Variants in PLN observed in about 807,000 individuals in gnomAD.
PLN encodes cardiac phospholamban.
PLN carries 1 observed loss-of-function variant against 3.9 expected under a neutral mutation model. The observed-to-expected ratio is 0.26, with a 90% CI of 0.09 to 1.23. The LOEUF is 1.23. Ranked by LOEUF, PLN falls within the 50% of genes most tolerant of loss-of-function variation. The pLI, the probability that PLN is intolerant of heterozygous loss-of-function variation, is 0.48. For missense variants in PLN, 59 were observed against 62.7 expected (o/e 0.94, Z 0.20); for synonymous variants, 21 against 20.5 (o/e 1.02, Z -0.07).
At chr6:118,552,169 C>A (rs1778586201) in intron 1 of PLN, among the ~76,000 whole-genome samples, 1 of 151,880 alleles carries the variant, frequency 6.6e-6, no homozygotes, top group Admixed American at 6.6e-5. Flanking sequence ...TAAAGTATTT[C>A]TTCAGTACTC....
In PLN at chr6:118,559,204, A is replaced by G. The variant is rs1276648692; in HGVS notation, c.*124A>G. ...CTGAGTAGAAGAGTTTCTTTGTGAA[A>G]AGGTCAAGATTAAGACTAAAACTTA... On this transcript the variant is annotated 3_prime_UTR_variant, in exon 2 of 2. Coordinates refer to ENST00000357525, the MANE Select transcript of PLN (RefSeq NM_002667.5). 5 of 811,884 alleles carry G rather than the reference A, an allele frequency of 6.2e-6. No individual in the cohort carries two copies. Among genetic ancestry groups the G allele is most frequent in the Non-Finnish European group, 1.1e-5 (5 of 450,204 alleles). 50.3% of individuals were successfully genotyped at this position (811,884 alleles called of 1,614,324 possible).
chr6:118,559,650 T>G lies in PLN; in HGVS notation c.*570T>G, dbSNP rs1779109833. The G allele has an allele frequency of 5.9e-6, 1 of 169,128 alleles. No individual in the cohort carries two copies. The highest frequency in any genetic ancestry group is 1.4e-5 in the Non-Finnish European group (1 of 69,496). The allele number at this position is 169,128 out of a possible 1,614,324, so 10.5% of individuals were successfully genotyped here. On this transcript the variant is annotated 3_prime_UTR_variant, in exon 2 of 2. Transcript: ENST00000357525. ...TCTACATTCTAAAACAGAAATTGTA[T>G]TTTTTCTATGCCACATTAACATCTT...
rs555175842 is a variant in PLN, at chr6:118,555,151, G to A, written c.-97-3674G>A. Reference sequence around the variant, plus strand: ...CATCTTCATAAAAGGTGACTACTCGGCCAGGTGCAGTGGCTCACGCCTGCA... The same window carrying A: ...CATCTTCATAAAAGGTGACTACTCGACCAGGTGCAGTGGCTCACGCCTGCA... On this transcript the variant is annotated intron_variant, in intron 1 of 1. Transcript: ENST00000357525. Among the ~76,000 whole-genome samples, 26 of 152,200 alleles carry A rather than the reference G, an allele frequency of 1.7e-4. 1 individual carries two copies. The South Asian group carries it at 5.2e-3, about 30-fold the overall frequency.
Position 118,559,308 on chromosome 6 carries a change from G to A in PLN, c.*228G>A, listed in dbSNP as rs568262125. The A allele has an allele frequency of 2.1e-5, 11 of 528,108 alleles. No homozygotes were observed. Among genetic ancestry groups the A allele is most frequent in the African/African-American group, 1.7e-4 (9 of 52,134 alleles). The allele number at this position is 528,108 out of a possible 1,614,324, so 32.7% of individuals were successfully genotyped here. ...TTTTCAAAAATTAACTTCAAAATAA[G>A]TGTATAAAATGCAACTGTTGATTTC... On this transcript the variant is annotated 3_prime_UTR_variant, in exon 2 of 2. Transcript: ENST00000357525.
In PLN at chr6:118,560,260, A is replaced by G. The variant is rs540046916; in HGVS notation, c.*1180A>G. 9 of 167,188 alleles carry G rather than the reference A, an allele frequency of 5.4e-5. No individual in the cohort carries two copies. The highest frequency in any genetic ancestry group is 8.8e-5 in the Non-Finnish European group (6 of 68,102). The allele number at this position is 167,188 out of a possible 1,614,324, so 10.4% of individuals were successfully genotyped here. A position where few individuals can be genotyped will look rare whatever the true frequency, so the allele number is the denominator to read the frequency against. On this transcript the variant is annotated 3_prime_UTR_variant, in exon 2 of 2. Coordinates refer to ENST00000357525, the MANE Select transcript of PLN (RefSeq NM_002667.5). ...ACTACCTAATAGCCTACTATTGACC[A>G]TAAACCTTACTGATAACATAAACAG...
At position 118,560,446 on chromosome 6, in the gene PLN, T is replaced by C. The variant is rs1779158683; in HGVS notation, c.*1366T>C. 6.0e-6 allele frequency: 1 copy of C among 167,172 alleles called. No homozygotes were observed. The highest frequency in any genetic ancestry group is 2.1e-4 in the South Asian group (1 of 4,826). 10.4% of individuals were successfully genotyped at this position (167,172 alleles called of 1,614,324 possible). On this transcript the variant is annotated 3_prime_UTR_variant, in exon 2 of 2. Transcript: ENST00000357525. ...AACATAAAAGTCTTCATTCTCATTG[T>C]CTTCACATTGAGTAGGCAGAGGAGG...
rs1355961724 is a variant in PLN at position 118,559,218 on chromosome 6, G to A, written c.*138G>A. 5.2e-6 allele frequency: 4 copies of A among 771,416 alleles called. No homozygotes were observed. Among genetic ancestry groups the A allele is most frequent in the African/African-American group, 1.7e-5 (1 of 58,520 alleles). The allele number at this position is 771,416 out of a possible 1,614,324, so 47.8% of individuals were successfully genotyped here. ...TTCTTTGTGAAAAGGTCAAGATTAA[G>A]ACTAAAACTTATTGTTACCATATGT... is the stretch of plus-strand genomic sequence containing the variant. On this transcript the variant is annotated 3_prime_UTR_variant, in exon 2 of 2. Transcript: ENST00000357525.
At chr6:118,558,652 C>CAGAGAGAGAGAGAG (rs1482465423) in intron 1 of PLN, among the ~76,000 whole-genome samples, 173 bp from the exon 2 acceptor site, 34 of 132,976 alleles carry the variant, frequency 2.6e-4, no homozygotes, top group African/African-American at 1.1e-3. Context: ...CACACACACA[C>CAGAGAGAGAGAGAG]ACACACACAG....
intron 1 of PLN, among the ~76,000 whole-genome samples, chr6:118,557,759 G>A (rs1778962816): frequency 6.6e-6 from 1 of 152,148 alleles, no homozygotes; most frequent in Admixed American, 6.5e-5. Flanking sequence ...TAAAGTCTAC[G>A]GTGATCATAC....
At position 118,558,685 on chromosome 6, in the gene PLN, A is replaced by AGG. The variant is rs1779045243; in HGVS notation, c.-97-139_-97-138insGG. 3.5e-5 allele frequency: 18 copies of AGG among 520,200 alleles called. No homozygotes were observed. The East Asian group carries it at 4.8e-4, about 14-fold the overall frequency. 32.2% of individuals were successfully genotyped at this position (520,200 alleles called of 1,614,324 possible). On this transcript the variant is annotated intron_variant, in intron 1 of 1. Transcript: ENST00000357525. Reference sequence around the variant, plus strand: ...CAGAGAGAGAGAGAGAGAGAGAGAGAGAGGGAGAGAGACTATAGAAACATG... The same window carrying AGG: ...CAGAGAGAGAGAGAGAGAGAGAGAGAGGGAGGGAGAGAGACTATAGAAACATG...
intron 1 of PLN, among the ~76,000 whole-genome samples, chr6:118,557,906 AC>A (rs774144671): frequency 1.5e-4 from 23 of 151,366 alleles, no homozygotes; most frequent in Non-Finnish European, 2.9e-4. Context: ...TTTTTAATAG[AC>A]CACCACAACC....
Position 118,558,915 on chromosome 6 carries a change from T to C in PLN, c.-7T>C. 1 of 1,612,908 alleles carries C rather than the reference T, an allele frequency of 6.2e-7. No individual in the cohort carries two copies. Among genetic ancestry groups the C allele is most frequent in the Non-Finnish European group, 8.5e-7 (1 of 1,178,908 alleles). ...TAAAACTTCAGACTTCCTGTCCTGC[T>C]GGTATCATGGAGAAAGTCCAATACC... On this transcript the variant is annotated 5_prime_UTR_variant, in exon 2 of 2. Transcript: ENST00000357525.
At position 118,559,450 on chromosome 6, in the gene PLN, G is replaced by T; in HGVS notation, c.*370G>T. The T allele has an allele frequency of 7.2e-6, 2 of 278,924 alleles. No homozygotes were observed. Among genetic ancestry groups the T allele is most frequent in the Non-Finnish European group, 1.5e-5 (2 of 134,920 alleles). 17.3% of individuals were successfully genotyped at this position (278,924 alleles called of 1,614,324 possible). On this transcript the variant is annotated 3_prime_UTR_variant, in exon 2 of 2. Transcript: ENST00000357525. Reference sequence around the variant, plus strand: ...TATAAAGCATTATTTTTACTCTTTTGAGGTGAATATAATTTATATTACAAT... The same window carrying T: ...TATAAAGCATTATTTTTACTCTTTTTAGGTGAATATAATTTATATTACAAT...
In PLN at chr6:118,558,782, T is replaced by C. The variant is rs1779054629; in HGVS notation, c.-97-43T>C. 1.1e-4 allele frequency: 76 copies of C among 707,790 alleles called. No homozygotes were observed. The South Asian group carries it at 1.1e-3, about 10-fold the overall frequency. 43.8% of individuals were successfully genotyped at this position (707,790 alleles called of 1,614,324 possible). ...TTGTATTTTTTGTTCTGAGGATAGG[T>C]TACATAGATGATTCTAATCCATTTA... On this transcript the variant is annotated intron_variant, in intron 1 of 1. Coordinates refer to ENST00000357525, the MANE Select transcript of PLN (RefSeq NM_002667.5).
chr6:118,554,987 C>T (rs527884421), intron 1 of PLN, among the ~76,000 whole-genome samples: 4 of 152,190 alleles, frequency 2.6e-5, no homozygotes, highest in Non-Finnish European at 2.9e-5. Context: ...CCCTCCTTTC[C>T]CATGTTTTGT....
In PLN at chr6:118,559,103, C is replaced by A. The variant is rs1779079570; in HGVS notation, c.*23C>A. 3.8e-6 allele frequency: 6 copies of A among 1,583,956 alleles called. No individual in the cohort carries two copies. The highest frequency in any genetic ancestry group is 1.7e-4 in the Middle Eastern group (1 of 6,042). On this transcript the variant is annotated 3_prime_UTR_variant, in exon 2 of 2. Transcript: ENST00000357525. ...TGAAGTTCTGCTACAACCTCTAGAT[C>A]TGCAGCTTGCCACATCAGCTTAAAA...
chr6:118,548,612 T>C (rs1360309614), intron 1 of PLN, among the ~76,000 whole-genome samples: 5 of 152,110 alleles, frequency 3.3e-5, no homozygotes, highest in South Asian at 2.1e-4. Flanking sequence ...GTCATATTCA[T>C]CTTTGATCCT....
At chr6:118,558,670 G>C (rs368375041) in intron 1 of PLN, among the ~76,000 whole-genome samples, 155 bp from the exon 2 acceptor site, 159 of 122,216 alleles carry the variant, frequency 1.3e-3, no homozygotes, top group South Asian at 4.1e-3. Flanking sequence ...CAGAGAGAGA[G>C]AGAGAGAGAG....
intron 1 of PLN, among the ~76,000 whole-genome samples, chr6:118,553,470 A>C (rs1195094591): frequency 6.6e-6 from 1 of 152,196 alleles, no homozygotes; most frequent in East Asian, 1.9e-4. Flanking sequence ...GATTCCACAC[A>C]TTTCAGATGA....
Sources: allele counts gnomAD v4.1 joint callset (sites outside exome capture counted in the v4.1 genomes callset), GRCh38; gene constraint gnomAD v4.1.1; transcripts MANE v1.5; gene names NCBI Gene and HGNC (gene_info 2026-07-23, HGNC 2026-07-21).